The following TUBE1 variants were observed in gnomAD, a reference collection of about 807,000 sequenced individuals.
TUBE1 encodes the protein tubulin epsilon chain.
In TUBE1, 34 loss-of-function variants were observed where a neutral mutation model predicts 53.5. The ratio of observed to expected loss-of-function variants is 0.64; its 90% CI spans 0.48 to 0.85. The LOEUF (loss-of-function observed/expected upper bound fraction) is 0.85. TUBE1 is among the 40% of genes least tolerant of loss of function. The pLI, the probability that TUBE1 is intolerant of heterozygous loss-of-function variation, is 0.00. For synonymous variants in TUBE1, 177 were observed against 198.4 expected (o/e 0.89, Z 0.91); for missense variants, 532 against 570.5 (o/e 0.93, Z 0.69).
chr6:112,087,231 A>G lies in TUBE1; in HGVS notation c.99+2T>C. ...AGGGGGCTCGCGGCGGCGGGCGGGT[A>G]CCTGGTTGACCGCGGCGTGCTCCCT... On this transcript the variant is annotated splice_donor_variant, in intron 2 of 11. Coordinates refer to ENST00000368662, the MANE Select transcript of TUBE1 (RefSeq NM_016262.5). LOFTEE classifies it high-confidence loss of function. 4 of 1,550,434 alleles carry G rather than the reference A, an allele frequency of 2.6e-6. No homozygotes were observed. Among genetic ancestry groups the G allele is most frequent in the Non-Finnish European group, 3.5e-6 (4 of 1,146,698 alleles).
chr6:112,086,483 C>G, intron 3 of TUBE1, 73 bp downstream of exon 3: 1 of 1,153,116 alleles, frequency 8.7e-7, no homozygotes, highest in Non-Finnish European at 1.2e-6. Context: ...TTTTTATTGT[C>G]CTTTGAAGAA....
At chr6:112,075,859 T>TA (rs1397758499) in intron 8 of TUBE1, 78 bp downstream of exon 8, 28 of 1,322,690 alleles carry the variant, frequency 2.1e-5, no homozygotes, top group Non-Finnish European at 2.9e-5. Context: ...TTAGAATAAC[T>TA]AAAAAATGCT....
At chr6:112,079,419 A>AT in intron 6 of TUBE1, 1 of 379,604 alleles carries the variant, frequency 2.6e-6, no homozygotes, top group Non-Finnish European at 4.5e-6. Flanking sequence ...GAGGGCTTAC[A>AT]TTAAAAAAAA....
At chr6:112,085,467 C>T (rs1005960029) in intron 3 of TUBE1, 10 of 333,106 alleles carry the variant, frequency 3.0e-5, no homozygotes, top group Non-Finnish European at 4.1e-5. Context: ...TCAATGTAAG[C>T]GTTGGGTAAC....
chr6:112,075,822 A>G, intron 8 of TUBE1, 115 bp downstream of exon 8: 1 of 989,786 alleles, frequency 1.0e-6, no homozygotes, highest in Non-Finnish European at 1.4e-6. Flanking sequence ...TAGAAGACAA[A>G]ATAAAAACAG....
chr6:112,078,179 T>C (rs1450887589), intron 6 of TUBE1: 1 of 152,042 alleles, frequency 6.6e-6, no homozygotes, highest in Non-Finnish European at 1.5e-5. Flanking sequence ...GGAAGGTATA[T>C]AGGTAATATC....
In TUBE1 at chr6:112,074,729, C is replaced by A; in HGVS notation, c.934G>T (p.Val312Phe). 1 of 1,549,508 alleles carries A rather than the reference C, an allele frequency of 6.5e-7. No individual in the cohort carries two copies. The highest frequency in any genetic ancestry group is 8.7e-7 in the Non-Finnish European group (1 of 1,151,440). ...CCTTACCTTCTAGGAGGAATGTTAA[C>A]ATCTGTCAGTGTATACAGAGGTGTT... Reference protein sequence around the residue: ...SLTPLYTLTDVNIPPRRLDQM... With the variant: ...SLTPLYTLTDFNIPPRRLDQM... The change falls in exon 9 of 12, where the codon GTT becomes TTT. Residue 312 changes from valine to phenylalanine, a missense_variant. Val to Phe is a conservative substitution (Grantham distance 50, BLOSUM62 -1). Coordinates refer to ENST00000368662, the MANE Select transcript of TUBE1 (RefSeq NM_016262.5).
intron 8 of TUBE1, chr6:112,075,085 G>C (rs1158551515): frequency 1.0e-5 from 1 of 100,068 alleles, no homozygotes; most frequent in African/African-American, 6.9e-5. Context: ...TTTTTTTTTT[G>C]AGACAGGGTC....
intron 5 of TUBE1, among the ~76,000 whole-genome samples, chr6:112,080,673 C>T (rs1343957333): frequency 4.6e-5 from 7 of 152,018 alleles, no homozygotes; most frequent in Admixed American, 2.0e-4. Flanking sequence ...CCATTATATA[C>T]TCAAGGGCCT....
At chr6:112,073,652 G>A (rs1296864272) in intron 9 of TUBE1, among the ~76,000 whole-genome samples, 2 of 152,178 alleles carry the variant, frequency 1.3e-5, no homozygotes, top group Non-Finnish European at 2.9e-5. Flanking sequence ...GTCATTTGCT[G>A]TTGGCTTAGA....
At chr6:112,085,911 C>G (rs1220180993) in intron 3 of TUBE1, among the ~76,000 whole-genome samples, 1 of 152,200 alleles carries the variant, frequency 6.6e-6, no homozygotes, top group East Asian at 1.9e-4. Flanking sequence ...GCGGACTAAT[C>G]AGCTTTCTCT....
chr6:112,075,063 T>C (rs1012249579), intron 8 of TUBE1: 10 of 194,726 alleles, frequency 5.1e-5, no homozygotes, highest in East Asian at 1.9e-4. Context: ...ATTTTTTTTT[T>C]CTTTCTTTTT....
In TUBE1 at chr6:112,071,576, A is replaced by G; in HGVS notation, c.1270-6T>C. 2 of 1,588,930 alleles carry G rather than the reference A, an allele frequency of 1.3e-6. No homozygotes were observed. Among genetic ancestry groups the G allele is most frequent in the Non-Finnish European group, 1.7e-6 (2 of 1,164,720 alleles). On this transcript the variant is annotated splice_polypyrimidine_tract_variant and splice_region_variant and intron_variant, in intron 11 of 11. Coordinates refer to ENST00000368662, the MANE Select transcript of TUBE1 (RefSeq NM_016262.5). ...AGATAGTGATGAAGGTGAGCCTATA[A>G]ATTAAAAAATTAGGTAACGTTTACC... is the stretch of plus-strand genomic sequence containing the variant.
intron 2 of TUBE1, 78 bp downstream of exon 2, chr6:112,087,151 AAAGC>A: frequency 7.9e-7 from 1 of 1,262,834 alleles, no homozygotes. Flanking sequence ...GGGTCAGATG[AAAGC>A]TCAAGTCGAT....
Position 112,074,737 on chromosome 6 carries a change from A to C in TUBE1, c.926T>G (p.Leu309Arg), listed in dbSNP as rs1395124625. The C allele has an allele frequency of 6.4e-7, 1 of 1,560,792 alleles. No individual in the cohort carries two copies. The highest frequency in any genetic ancestry group is 2.3e-5 in the East Asian group (1 of 42,584). The change falls in exon 9 of 12, where the codon CTG (leucine) becomes CGG (arginine). Residue 309 changes from leucine to arginine, a missense_variant. By Grantham distance (102) the Leu-to-Arg change is moderately radical (BLOSUM62 -2). Coordinates refer to ENST00000368662, the MANE Select transcript of TUBE1 (RefSeq NM_016262.5). ...TCTAGGAGGAATGTTAACATCTGTC[A>C]GTGTATACAGAGGTGTTAGGCTTGA... is the stretch of plus-strand genomic sequence containing the variant. ...LVSSLTPLYT[L>R]TDVNIPPRRL...
At chr6:112,079,160 TTC>T (rs781809958) in intron 6 of TUBE1, among the ~76,000 whole-genome samples, 1 of 152,020 alleles carries the variant, frequency 6.6e-6, no homozygotes, top group African/African-American at 2.4e-5. Context: ...TTCCTTTTTT[TTC>T]TCTTTTTGGA....
At chr6:112,077,555 T>A (rs1776992849) in intron 6 of TUBE1, 1 of 152,132 alleles carries the variant, frequency 6.6e-6, no homozygotes. Context: ...TTTTCATGTG[T>A]GTATGCTGCA....
In TUBE1 at chr6:112,071,144, C is replaced by T. The variant is rs1776850838; in HGVS notation, c.*268G>A. On this transcript the variant is annotated 3_prime_UTR_variant, in exon 12 of 12. Transcript: ENST00000368662. Reference sequence around the variant, plus strand: ...ATGCCTAAATATGAGGCTATAAATACAGCAAAATATTCAAGAACTATGTTA... The same window carrying T: ...ATGCCTAAATATGAGGCTATAAATATAGCAAAATATTCAAGAACTATGTTA... 1 of 272,068 alleles carries T rather than the reference C, an allele frequency of 3.7e-6. No homozygotes were observed. The highest frequency in any genetic ancestry group is 6.9e-6 in the Non-Finnish European group (1 of 145,676). The allele number at this position is 272,068 out of a possible 1,614,324, so 16.9% of individuals were successfully genotyped here.
chr6:112,074,182 A>G (rs1776916069), intron 9 of TUBE1, among the ~76,000 whole-genome samples: 1 of 152,136 alleles, frequency 6.6e-6, no homozygotes, highest in Non-Finnish European at 1.5e-5. Context: ...TCAAAACTAC[A>G]TTTTTTGTTA....
Sources: allele counts gnomAD v4.1 joint callset (sites outside exome capture counted in the v4.1 genomes callset), GRCh38; gene constraint gnomAD v4.1.1; transcripts MANE v1.5; gene names NCBI Gene and HGNC (gene_info 2026-07-23, HGNC 2026-07-21).